Variants in NR2F1-AS1 observed in about 807,000 individuals in gnomAD.
The protein encoded by NR2F1-AS1 is NR2F1 regulatory antisense RNA 1, also known as NR2F1 antisense RNA 1.
At chr5:93,431,683 G>A (rs1749327915) in intron 4 of NR2F1-AS1, among the ~76,000 whole-genome samples, 1 of 152,104 alleles carries the variant, frequency 6.6e-6, no homozygotes, top group Non-Finnish European at 1.5e-5. Flanking sequence ...ACAGAATCCT[G>A]CAGTATGTTT....
upstream of NR2F1-AS1, among the ~76,000 whole-genome samples, chr5:93,582,363 G>C (rs1031800699): frequency 6.6e-6 from 1 of 151,564 alleles, no homozygotes; most frequent in Non-Finnish European, 1.5e-5. Flanking sequence ...CCTTGATTCC[G>C]ATCGAATTTG....
chr5:93,480,842 G>A (rs567013426), intron 4 of NR2F1-AS1, among the ~76,000 whole-genome samples: 2 of 151,732 alleles, frequency 1.3e-5, no homozygotes, highest in Non-Finnish European at 2.9e-5. Flanking sequence ...AATCCCCCAT[G>A]GTAACCACTA....
intron 4 of NR2F1-AS1, among the ~76,000 whole-genome samples, chr5:93,477,270 T>C (rs952302136): frequency 1.3e-5 from 2 of 152,174 alleles, no homozygotes; most frequent in South Asian, 2.1e-4. Context: ...AAAGTAATAT[T>C]AAACTGAAAC....
At chr5:93,522,212 A>C (rs1751515857) in intron 4 of NR2F1-AS1, among the ~76,000 whole-genome samples, 1 of 152,144 alleles carries the variant, frequency 6.6e-6, no homozygotes, top group Admixed American at 6.5e-5. Flanking sequence ...CTGAGGGTGG[A>C]GGGTGGGAGG....
At chr5:93,454,833 G>A (rs528910146) in intron 4 of NR2F1-AS1, among the ~76,000 whole-genome samples, 1 of 152,292 alleles carries the variant, frequency 6.6e-6, no homozygotes, top group South Asian at 2.1e-4. Flanking sequence ...GCTGAACACA[G>A]AAGTGCCTGG....
chr5:93,560,176 ATAT>A (rs1251236525), intron 2 of NR2F1-AS1, among the ~76,000 whole-genome samples: 1 of 152,222 alleles, frequency 6.6e-6, no homozygotes, highest in Non-Finnish European at 1.5e-5. Context: ...TGCTTAACAG[ATAT>A]TAATAATAAT....
chr5:93,520,336 C>T lies in NR2F1-AS1; in HGVS notation n.638+33425G>A, dbSNP rs181262611. ...GTGCTCTTTTTGAAGAACACCAAAT[C>T]CACTTCAAAAAGCTGTCAAATCCAC... On this transcript the variant is annotated intron_variant and non_coding_transcript_variant, in intron 4 of 5. Coordinates refer to ENST00000660523, the Ensembl canonical transcript of NR2F1-AS1. Among the ~76,000 whole-genome samples, 375 of 152,156 alleles carry T rather than the reference C, an allele frequency of 2.5e-3. 1 individual carries two copies. The highest frequency in any genetic ancestry group is 2.8e-3 in the Non-Finnish European group (192 of 67,948).
At chr5:93,528,879 C>A in intron 4 of NR2F1-AS1, among the ~76,000 whole-genome samples, 1 of 146,448 alleles carries the variant, frequency 6.8e-6, no homozygotes. Flanking sequence ...AGGGGAACAT[C>A]ATACAGCAGG....
intron 4 of NR2F1-AS1, among the ~76,000 whole-genome samples, chr5:93,509,463 T>C (rs1422787174): frequency 6.6e-6 from 1 of 152,090 alleles, no homozygotes; most frequent in Non-Finnish European, 1.5e-5. Context: ...GCAGATACCA[T>C]ACTGGTAGAG....
At position 93,494,203 on chromosome 5, in the gene NR2F1-AS1, C is replaced by T. The variant is rs370927549; in HGVS notation, n.638+59558G>A. 4.6e-5 allele frequency among the ~76,000 whole-genome samples: 7 copies of T among 152,116 alleles called. No homozygotes were observed. The East Asian group carries it at 9.6e-4, about 21-fold the overall frequency. On this transcript the variant is annotated intron_variant and non_coding_transcript_variant, in intron 4 of 5. Transcript: ENST00000660523. Reference sequence around the variant, plus strand: ...TAAATGGGCAAAGGAGCTGAATAGGCATTTCTCCAAAAGAGATATATAGAT... The same window carrying T: ...TAAATGGGCAAAGGAGCTGAATAGGTATTTCTCCAAAAGAGATATATAGAT...
At chr5:93,507,148 T>C (rs894125591) in intron 4 of NR2F1-AS1, among the ~76,000 whole-genome samples, 1 of 152,132 alleles carries the variant, frequency 6.6e-6, no homozygotes, top group Non-Finnish European at 1.5e-5. Context: ...AACATCCATA[T>C]ATTATATTAA....
chr5:93,521,272 G>A (rs1347914699), intron 4 of NR2F1-AS1, among the ~76,000 whole-genome samples: 1 of 152,070 alleles, frequency 6.6e-6, no homozygotes, highest in East Asian at 1.9e-4. Flanking sequence ...AATCCTGTAA[G>A]ACAATCTAGG....
At chr5:93,585,413 C>T (rs1753212863), upstream of NR2F1-AS1, 1 of 1,614,110 alleles carries the variant, frequency 6.2e-7, no homozygotes, top group South Asian at 1.1e-5. Flanking sequence ...ACTGTCCCAT[C>T]GACCAGCACC....
chr5:93,447,622 T>C (rs907549411), intron 4 of NR2F1-AS1, among the ~76,000 whole-genome samples: 14 of 152,188 alleles, frequency 9.2e-5, no homozygotes, highest in Non-Finnish European at 1.5e-5. Flanking sequence ...GTAAACTAGT[T>C]CAACCATTGT....
intron 4 of NR2F1-AS1, among the ~76,000 whole-genome samples, chr5:93,439,456 G>A (rs549055834): frequency 1.3e-5 from 2 of 152,194 alleles, no homozygotes; most frequent in Admixed American, 1.3e-4. Context: ...TACCTCGCCC[G>A]GCTAATTTTT....
At chr5:93,540,609 T>C (rs1751930290) in intron 4 of NR2F1-AS1, among the ~76,000 whole-genome samples, 1 of 152,230 alleles carries the variant, frequency 6.6e-6, no homozygotes, top group South Asian at 2.1e-4. Context: ...AGTTTTAACA[T>C]GATTTTTGAC....
rs534606552 is a variant in NR2F1-AS1 at position 93,569,996 on chromosome 5, T to A, written n.314-6533A>T. 1.9e-3 allele frequency: 282 copies of A among 152,316 alleles called. 2 individuals are homozygous for A. The highest frequency in any genetic ancestry group is 6.6e-3 in the African/African-American group (276 of 41,558). 9.4% of individuals were successfully genotyped at this position (152,316 alleles called of 1,614,324 possible). A position where few individuals can be genotyped will look rare whatever the true frequency, so the allele number is the denominator to read the frequency against. The stretch of plus-strand genomic sequence containing the variant: ...GGATGGTAGTATTTCCGTTTCTCAG[T>A]CCCTGTCTGAAGGAAGATCCCATTC... On this transcript the variant is annotated intron_variant and non_coding_transcript_variant, in intron 1 of 5. Transcript: ENST00000660523.
rs575597684 is a variant in NR2F1-AS1 at position 93,497,072 on chromosome 5, G to A, written n.638+56689C>T. ...AAATATAACCCTTTCTCAAATTTTT[G>A]TAATACATTCAGTAAAGGCCTTTTT... On this transcript the variant is annotated intron_variant and non_coding_transcript_variant, in intron 4 of 5. Coordinates refer to ENST00000660523, the Ensembl canonical transcript of NR2F1-AS1. Among the ~76,000 whole-genome samples the A allele has an allele frequency of 2.6e-5, 4 of 151,944 alleles. No homozygotes were observed. In the East Asian group the frequency reaches 5.8e-4, roughly 22 times the overall value.
upstream of NR2F1-AS1, chr5:93,580,838 G>C (rs546618037): frequency 1.3e-5 from 2 of 152,440 alleles, no homozygotes; most frequent in African/African-American, 4.8e-5. Flanking sequence ...GCATAGGGAC[G>C]AGGGCAAGGA....
Sources: gnomAD v4.1 joint callset for allele counts (sites outside exome capture counted in the v4.1 genomes callset) on GRCh38, gnomAD v4.1.1 for gene constraint, MANE v1.5 for transcripts, NCBI Gene and HGNC (gene_info 2026-07-23, HGNC 2026-07-21) for gene names.